Variants in HSD17B12 observed in about 807,000 individuals in gnomAD.
HSD17B12 encodes the protein hydroxysteroid 17-beta dehydrogenase 12, also known as very-long-chain 3-oxoacyl-CoA reductase.
HSD17B12 carries 32 observed loss-of-function variants against 39.3 expected under a neutral mutation model. That is an observed-to-expected ratio of 0.81 (90% CI 0.61 to 1.09). The LOEUF is 1.09. Among genes scored for constraint, HSD17B12 ranks in the 50% least tolerant of loss-of-function variants. The pLI is 0.00. For synonymous variants in HSD17B12, 150 were observed against 146.7 expected (o/e 1.02, Z -0.16); for missense variants, 342 against 382.9 (o/e 0.89, Z 0.89).
chr11:43,598,446 C>G, the HSD17B12 span, among the ~76,000 whole-genome samples: 4 of 150,850 alleles, frequency 2.7e-5, no homozygotes, highest in Non-Finnish European at 5.9e-5. Context: ...GAAGCTGATT[C>G]GCTCTTCTTG....
chr11:43,615,415 CAAG>C, the HSD17B12 span, among the ~76,000 whole-genome samples: 1 of 152,156 alleles, frequency 6.6e-6, no homozygotes, highest in Admixed American at 6.5e-5. Flanking sequence ...GCTAAAGATT[CAAG>C]AAGACTTCTA....
chr11:43,795,618 A>G (rs1297728239), intron 3 of HSD17B12, among the ~76,000 whole-genome samples: 1 of 152,192 alleles, frequency 6.6e-6, no homozygotes, highest in Non-Finnish European at 1.5e-5. Flanking sequence ...TCACAGAGAC[A>G]TACAATCTCT....
chr11:43,649,134 C>T, the HSD17B12 span, among the ~76,000 whole-genome samples: 1 of 150,834 alleles, frequency 6.6e-6, no homozygotes, highest in Admixed American at 6.6e-5. Flanking sequence ...TAATTATTAA[C>T]CAAAGGTATT....
intron 7 of HSD17B12, 70 bp from the exon 8 acceptor site, chr11:43,838,247 C>A: frequency 1.0e-6 from 1 of 996,732 alleles, no homozygotes; most frequent in South Asian, 1.3e-5. Flanking sequence ...TTATATATCT[C>A]AATCTGTAAT....
At chr11:43,695,691 C>CTTG (rs35523806) in intron 1 of HSD17B12, among the ~76,000 whole-genome samples, 14,610 of 151,950 alleles carry the variant, frequency 0.096, 861 homozygotes, top group Middle Eastern at 0.14. Flanking sequence ...TCTTCTTCTT[C>CTTG]TTTTTAAGCC....
chr11:43,592,886 G>T, the HSD17B12 span, among the ~76,000 whole-genome samples: 4 of 152,226 alleles, frequency 2.6e-5, no homozygotes, highest in Admixed American at 2.6e-4. Flanking sequence ...TAGAGGCTAA[G>T]ATACATTTAC....
At chr11:43,756,488 T>C (rs1356182689) in intron 3 of HSD17B12, among the ~76,000 whole-genome samples, 1 of 152,190 alleles carries the variant, frequency 6.6e-6, no homozygotes, top group African/African-American at 2.4e-5. Flanking sequence ...ATCTTAGCAC[T>C]GTTTCATTCT....
intron 1 of HSD17B12, among the ~76,000 whole-genome samples, chr11:43,692,685 G>T (rs989674008): frequency 3.9e-5 from 6 of 152,134 alleles, no homozygotes; most frequent in African/African-American, 1.4e-4. Flanking sequence ...ACTAATTCGT[G>T]AAAAATTAAA....
chr11:43,665,274 G>A, the HSD17B12 span, among the ~76,000 whole-genome samples: 2 of 152,028 alleles, frequency 1.3e-5, no homozygotes, highest in Non-Finnish European at 2.9e-5. Flanking sequence ...GCTGGAGTGC[G>A]GTGGTGCGAT....
the HSD17B12 span, among the ~76,000 whole-genome samples, chr11:43,651,469 G>A: frequency 1.3e-5 from 2 of 152,090 alleles, no homozygotes; most frequent in African/African-American, 4.8e-5. Context: ...ATATTTTGTT[G>A]GATATGTAAA....
the HSD17B12 span, among the ~76,000 whole-genome samples, chr11:43,609,129 C>T: frequency 2.0e-5 from 3 of 151,376 alleles, no homozygotes; most frequent in African/African-American, 7.3e-5. Flanking sequence ...TTGTTAGGAC[C>T]AATTTTCGTC....
At chr11:43,730,275 G>A (rs1368890731) in intron 1 of HSD17B12, among the ~76,000 whole-genome samples, 2 of 152,152 alleles carry the variant, frequency 1.3e-5, no homozygotes, top group African/African-American at 4.8e-5. Flanking sequence ...TGTATGTAGA[G>A]TATAATCTCT....
intron 1 of HSD17B12, among the ~76,000 whole-genome samples, chr11:43,687,030 C>CAGA (rs56074781): frequency 0.89 from 135,375 of 152,026 alleles, 60,782 homozygotes; most frequent in East Asian, 0.98. Context: ...AAAAATTTGT[C>CAGA]AGATTTACAT....
chr11:43,687,241 G>A (rs1949809785), intron 1 of HSD17B12, among the ~76,000 whole-genome samples: 2 of 152,220 alleles, frequency 1.3e-5, no homozygotes, highest in South Asian at 4.1e-4. Context: ...GATGGATTGA[G>A]ATTAAGGTTA....
chr11:43,608,414 G>A, the HSD17B12 span, among the ~76,000 whole-genome samples: 1 of 150,468 alleles, frequency 6.6e-6, no homozygotes, highest in Non-Finnish European at 1.5e-5. Flanking sequence ...AAAAATCAAT[G>A]CCCTTTCTTT....
intron 1 of HSD17B12, chr11:43,734,068 A>G: frequency 1.1e-6 from 1 of 938,204 alleles, no homozygotes; most frequent in East Asian, 2.4e-5. Flanking sequence ...CAACTTCCTC[A>G]TATCTTCACC....
At chr11:43,816,276 A>G in intron 5 of HSD17B12, 71 bp from the exon 6 acceptor site, 1 of 1,226,218 alleles carries the variant, frequency 8.2e-7, no homozygotes, top group Non-Finnish European at 1.1e-6. Flanking sequence ...TCTCTAGATT[A>G]CCTAAGTAGA....
intron 3 of HSD17B12, among the ~76,000 whole-genome samples, chr11:43,791,881 A>G (rs1297623916): frequency 5.9e-5 from 9 of 152,260 alleles, no homozygotes; most frequent in African/African-American, 2.2e-4. Flanking sequence ...GGTTTGAGAT[A>G]GAATCCTGAT....
intron 9 of HSD17B12, among the ~76,000 whole-genome samples, chr11:43,842,893 C>A (rs1295784414): frequency 6.6e-6 from 1 of 152,168 alleles, no homozygotes; most frequent in African/African-American, 2.4e-5. Flanking sequence ...TCTAAAATTC[C>A]GTTAATAAGC....
Sources: gnomAD v4.1 joint callset for allele counts (sites outside exome capture counted in the v4.1 genomes callset) on GRCh38, gnomAD v4.1.1 for gene constraint, MANE v1.5 for transcripts, NCBI Gene and HGNC (gene_info 2026-07-23, HGNC 2026-07-21) for gene names.